Variants in KCNC3 observed in about 807,000 individuals in gnomAD.
The protein encoded by KCNC3 is potassium voltage-gated channel subfamily C member 3.
A neutral mutation model predicts 43.9 loss-of-function variants in KCNC3; 22 were observed. The observed-to-expected ratio is 0.50, with a 90% CI of 0.36 to 0.72. The LOEUF (loss-of-function observed/expected upper bound fraction) is 0.72. Ranked by LOEUF, KCNC3 falls within the 30% of genes least tolerant of loss-of-function variation. The pLI is 0.00. For missense variants in KCNC3, 829 were observed against 1,073.8 expected, an observed-to-expected ratio of 0.77 and a Z score of 3.19; for synonymous variants, 492 against 488.0, an observed-to-expected ratio of 1.01 and a Z score of -0.11.
In KCNC3 at chr19:50,324,164, GC is replaced by G; in HGVS notation, c.871-83del. On this transcript the variant is annotated intron_variant, in intron 1 of 4. Transcript: ENST00000477616. The surrounding 1 kb of genome is among the most constrained non-coding windows in gnomAD (Gnocchi z 4.1). ...ATAACATCCAGAAGACCCTTCCAGT[GC>G]CCCCTTCCCCAGCCTCCTGGGCCCA... 1.4e-6 allele frequency: 2 copies of G among 1,399,092 alleles called. No individual in the cohort carries two copies. The highest frequency in any genetic ancestry group is 2.8e-5 in the South Asian group (2 of 70,846). The allele number at this position is 1,399,092 out of a possible 1,614,324, so 86.7% of individuals were successfully genotyped here.
upstream of KCNC3, among the ~76,000 whole-genome samples, chr19:50,331,409 T>C (rs11880476): frequency 0.015 from 2,346 of 151,980 alleles, 61 homozygotes; most frequent in African/African-American, 0.054. Flanking sequence ...GCAACCCGCT[T>C]TGTCCTGCCT....
chr19:50,322,095 A>G (rs1176886733), intron 2 of KCNC3, among the ~76,000 whole-genome samples: 1 of 151,792 alleles, frequency 6.6e-6, no homozygotes, highest in African/African-American at 2.4e-5. Flanking sequence ...TGAGGGAGCA[A>G]GATGGGGGCC....
chr19:50,320,174 G>C (rs1194045399), intron 4 of KCNC3, 49 bp downstream of exon 4: 1 of 274,304 alleles, frequency 3.6e-6, no homozygotes, highest in African/African-American at 2.7e-5. Context: ...AGTCAGGCAG[G>C]AGTGGGGAGT....
intron 1 of KCNC3, among the ~76,000 whole-genome samples, chr19:50,327,033 G>A (rs901910740): frequency 9.2e-5 from 14 of 151,814 alleles, no homozygotes; most frequent in Non-Finnish European, 1.8e-4. Flanking sequence ...TGACTTGAGG[G>A]GCCTCCCAGG....
rs748388451 is a variant in KCNC3 at position 50,323,576 on chromosome 19, C to T, written c.1377G>A (p.Val459=). The T allele has an allele frequency of 6.2e-7, 1 of 1,614,134 alleles. No individual in the cohort carries two copies. The highest frequency in any genetic ancestry group is 8.5e-7 in the Non-Finnish European group (1 of 1,180,060). The change falls in exon 2 of 5, where the codon GTG becomes GTA. Residue 459 remains valine (V), a synonymous_variant. Transcript: ENST00000477616. ...AGTAAATCATGGTGGCGAAGATGAG[C>T]ACCCCCAGGGCCAGGAAGATGATGA... is the stretch of plus-strand genomic sequence containing the variant. ...LLLIIFLALG[V]LIFATMIYYA...
At chr19:50,325,392 A>C (rs1449976819) in intron 1 of KCNC3, among the ~76,000 whole-genome samples, 3 of 151,964 alleles carry the variant, frequency 2.0e-5, no homozygotes, top group Admixed American at 1.3e-4. Context: ...CACAGAGAGG[A>C]CCTTGGACTT....
At chr19:50,321,608 A>G (rs2037034798) in intron 2 of KCNC3, among the ~76,000 whole-genome samples, 1 of 152,124 alleles carries the variant, frequency 6.6e-6, no homozygotes, top group South Asian at 2.1e-4. Flanking sequence ...CGTCTCTACT[A>G]AAAATACAAA....
In KCNC3 at chr19:50,314,350, G is replaced by C. The variant is rs2036917131; in HGVS notation, c.*1765C>G. ...ACGCACAGGGTTGGTTGTCCTCCTG[G>C]GGTGAAGGATGGGAAGGCTGGAGAC... On this transcript the variant is annotated 3_prime_UTR_variant, in exon 5 of 5. Transcript: ENST00000477616. The C allele has an allele frequency of 6.3e-6, 1 of 159,416 alleles. No individual in the cohort carries two copies. Among genetic ancestry groups the C allele is most frequent in the Non-Finnish European group, 1.4e-5 (1 of 72,512 alleles). 9.9% of individuals were successfully genotyped at this position (159,416 alleles called of 1,614,324 possible). A position where few individuals can be genotyped will look rare whatever the true frequency, so the allele number is the denominator to read the frequency against.
rs111909830 is a variant in KCNC3, at chr19:50,329,088, G to C, written c.-6C>G. On this transcript the variant is annotated 5_prime_UTR_variant, in exon 1 of 5. Transcript: ENST00000477616. ...ACGCAGACTGAGCTCAGCATTGGAC[G>C]GGGGGCGGGGCGGGAGGGGCGGGGA... 1 of 1,004,770 alleles carries C rather than the reference G, an allele frequency of 1.0e-6. No individual in the cohort carries two copies. Among genetic ancestry groups the C allele is most frequent in the South Asian group, 2.4e-5 (1 of 41,318 alleles). The allele number at this position is 1,004,770 out of a possible 1,614,324, so 62.2% of individuals were successfully genotyped here.
Position 50,314,720 on chromosome 19 carries a change from C to T in KCNC3, c.*1395G>A, listed in dbSNP as rs1329085260. 2 of 441,634 alleles carry T rather than the reference C, an allele frequency of 4.5e-6. No homozygotes were observed. Among genetic ancestry groups the T allele is most frequent in the African/African-American group, 2.1e-5 (1 of 48,474 alleles). 27.4% of individuals were successfully genotyped at this position (441,634 alleles called of 1,614,324 possible). On this transcript the variant is annotated 3_prime_UTR_variant, in exon 5 of 5. Coordinates refer to ENST00000477616, the MANE Select transcript of KCNC3 (RefSeq NM_004977.3). Reference sequence around the variant, plus strand: ...GGGGCCCGGGGGTGTCTGCTGGCATCGTCATCTCGGTTGCATATTATTAAT... The same window carrying T: ...GGGGCCCGGGGGTGTCTGCTGGCATTGTCATCTCGGTTGCATATTATTAAT...
chr19:50,323,133 AC>A lies in KCNC3; in HGVS notation c.1819del (p.Val607Ter). 6.5e-7 allele frequency: 1 copy of A among 1,534,332 alleles called. No homozygotes were observed. On this transcript the variant is annotated frameshift_variant, in exon 2 of 5. Coordinates refer to ENST00000477616, the MANE Select transcript of KCNC3 (RefSeq NM_004977.3). LOFTEE classifies it high-confidence loss of function. ...PPPITPPSMGVTVAGAYPAGP... is the reference protein window; with the variant it reads ...PPPITPPSMGXTVAGAYPAGP... ...CGCTGGGTAGGCCCCGGCCACAGTC[AC>A]CCCCATGGAGGGTGGGGTGATGGGT...
intron 4 of KCNC3, among the ~76,000 whole-genome samples, chr19:50,317,583 C>A (rs1276172379): frequency 6.6e-6 from 1 of 152,116 alleles, no homozygotes; most frequent in African/African-American, 2.4e-5. Flanking sequence ...GAAAATCCGT[C>A]CTGATCTTTC....
In KCNC3 at chr19:50,328,229, G is replaced by T; in HGVS notation, c.854C>A (p.Ser285Ter). The change falls in exon 1 of 5, where the codon TCG becomes TAG. Residue 285 changes from serine to a stop codon, truncating the protein, a stop_gained. Coordinates refer to ENST00000477616, the MANE Select transcript of KCNC3 (RefSeq NM_004977.3). LOFTEE classifies it high-confidence loss of function. ...CGCGCTCACCCTGGCAGCCCGCGAC[G>T]AGTAGGGGTCCTCGAAGAGCGCCCA... ...RVWALFEDPY[S>*]SRAARYVAFA... 8.3e-7 allele frequency: 1 copy of T among 1,198,074 alleles called. No homozygotes were observed. Among genetic ancestry groups the T allele is most frequent in the Non-Finnish European group, 1.0e-6 (1 of 966,730 alleles). 74.2% of individuals were successfully genotyped at this position (1,198,074 alleles called of 1,614,324 possible).
upstream of KCNC3, among the ~76,000 whole-genome samples, chr19:50,330,590 G>A (rs996968614): frequency 3.3e-5 from 5 of 152,104 alleles, no homozygotes; most frequent in African/African-American, 9.7e-5. Flanking sequence ...GCTACACCGC[G>A]GCGGACTGCA....
In KCNC3 at chr19:50,320,696, G is replaced by A. The variant is rs2037020978; in HGVS notation, c.2067C>T (p.Asp689=). The change falls in exon 3 of 5, where the codon GAC becomes GAT. Residue 689 remains aspartate, a synonymous_variant. Transcript: ENST00000477616. ...GGCTTCCAGGCGTGATGGGGCTCTT[G>A]TCTTCCGGGGACATGGCAGGCTGGT... ...AIDQPAMSPE[D]KSPITPGSRG... is the part of the protein sequence containing the mutation. 1 of 1,613,920 alleles carries A rather than the reference G, an allele frequency of 6.2e-7. No homozygotes were observed. The highest frequency in any genetic ancestry group is 8.5e-7 in the Non-Finnish European group (1 of 1,179,958).
intron 4 of KCNC3, among the ~76,000 whole-genome samples, chr19:50,319,547 G>A (rs897509899): frequency 5.9e-5 from 9 of 152,150 alleles, no homozygotes; most frequent in Admixed American, 3.9e-4. Flanking sequence ...CTTCCTCTGC[G>A]TGTGGTCAGA....
chr19:50,331,031 A>G (rs11882877), upstream of KCNC3, among the ~76,000 whole-genome samples: 2,402 of 151,980 alleles, frequency 0.016, 62 homozygotes, highest in African/African-American at 0.055. Context: ...GCGGCGGCTG[A>G]TTCGTATCGC....
intron 4 of KCNC3, among the ~76,000 whole-genome samples, chr19:50,318,180 CT>C (rs1218555611): frequency 3.4e-5 from 5 of 148,578 alleles, no homozygotes; most frequent in Non-Finnish European, 5.9e-5. Flanking sequence ...TCTTCTTCTT[CT>C]TTTTTTTGAG....
chr19:50,323,141 G>A lies in KCNC3; in HGVS notation c.1812C>T (p.Ser604=). Residue 604 remains serine, a synonymous_variant, in exon 2 of 5, where the codon TCC becomes TCT. Coordinates refer to ENST00000477616, the MANE Select transcript of KCNC3 (RefSeq NM_004977.3). ...ISPPPPITPP[S]MGVTVAGAYP... ...AGGCCCCGGCCACAGTCACCCCCAT[G>A]GAGGGTGGGGTGATGGGTGGCGGCG... The A allele has an allele frequency of 1.3e-6, 2 of 1,534,892 alleles. No homozygotes were observed. The highest frequency in any genetic ancestry group is 1.7e-6 in the Non-Finnish European group (2 of 1,144,340).
Sources: gnomAD v4.1 joint callset for allele counts (sites outside exome capture counted in the v4.1 genomes callset) on GRCh38, gnomAD v4.1.1 for gene constraint, Gnocchi (gnomAD v3.1) non-coding constraint, MANE v1.5 for transcripts, NCBI Gene and HGNC (gene_info 2026-07-23, HGNC 2026-07-21) for gene names.